Variants in PEBP4 observed in about 807,000 individuals in gnomAD.
The protein encoded by PEBP4 is phosphatidylethanolamine binding protein 4.
A neutral mutation model predicts 23.9 loss-of-function variants in PEBP4; 22 were observed. That is an observed-to-expected ratio of 0.92 (90% CI 0.66 to 1.31). The LOEUF (loss-of-function observed/expected upper bound fraction) is 1.31, where lower values mean the gene tolerates loss of function less well. Among genes scored for constraint, PEBP4 ranks in the 40% most tolerant of loss-of-function variants. PEBP4 has a pLI of 0.00. For synonymous variants in PEBP4, 112 were observed against 99.3 expected (o/e 1.13, Z -0.76); for missense variants, 324 against 281.7 (o/e 1.15, Z -1.07).
rs113452904 is a variant in PEBP4 at position 22,891,773 on chromosome 8, G to A, written c.258+28411C>T. Among the ~76,000 whole-genome samples the A allele has an allele frequency of 5.6e-3, 853 of 152,240 alleles. 6 individuals carry two copies. Among genetic ancestry groups the A allele is most frequent in the African/African-American group, 0.019 (796 of 41,564 alleles). On this transcript the variant is annotated intron_variant, in intron 3 of 6. Coordinates refer to ENST00000256404, the MANE Select transcript of PEBP4 (RefSeq NM_144962.3). ...ACCATGGACCACAGCCTCCTTCTCA[G>A]CTTAAGAAGCCAGGGAAGGGCCGGG...
intron 3 of PEBP4, among the ~76,000 whole-genome samples, chr8:22,856,380 T>C (rs928833478): frequency 6.6e-6 from 1 of 152,100 alleles, no homozygotes; most frequent in Non-Finnish European, 1.5e-5. Context: ...ATAATAGAAA[T>C]TGGGTTAACT....
intron 3 of PEBP4, among the ~76,000 whole-genome samples, chr8:22,876,189 G>A (rs1808118327): frequency 6.6e-6 from 1 of 152,126 alleles, no homozygotes; most frequent in Non-Finnish European, 1.5e-5. Context: ...GGGATTACAG[G>A]TGTGAGCCAC....
At chr8:22,907,069 G>A (rs1217575417) in intron 3 of PEBP4, among the ~76,000 whole-genome samples, 1 of 152,082 alleles carries the variant, frequency 6.6e-6, no homozygotes, top group African/African-American at 2.4e-5. Flanking sequence ...TGAAGGAGAA[G>A]AAGACATGAG....
chr8:22,762,116 C>T (rs139565181), intron 4 of PEBP4, among the ~76,000 whole-genome samples: 2,533 of 150,502 alleles, frequency 0.017, 35 homozygotes, highest in South Asian at 0.086. Context: ...CAATTTAAAT[C>T]GGCAAAAAAA....
chr8:22,720,883 A>G (rs1804503501), intron 6 of PEBP4, among the ~76,000 whole-genome samples: 1 of 152,240 alleles, frequency 6.6e-6, no homozygotes, highest in African/African-American at 2.4e-5. Flanking sequence ...GACTTCTTAC[A>G]GCACCCAAAA....
At chr8:22,759,513 G>T (rs1185279827) in intron 4 of PEBP4, among the ~76,000 whole-genome samples, 1 of 152,240 alleles carries the variant, frequency 6.6e-6, no homozygotes, top group East Asian at 1.9e-4. Context: ...ACCATGAGGG[G>T]TAGAGGTGCC....
intron 3 of PEBP4, among the ~76,000 whole-genome samples, chr8:22,904,177 G>T (rs55951654): frequency 0.14 from 21,577 of 152,132 alleles, 1,785 homozygotes; most frequent in Middle Eastern, 0.21. Context: ...GCTGCTTCCC[G>T]GCTCCCTGGC....
rs556809306 is a variant in PEBP4, at chr8:22,743,070, C to T, written c.358-15850G>A. Among the ~76,000 whole-genome samples, 5 of 152,316 alleles carry T rather than the reference C, an allele frequency of 3.3e-5. No individual in the cohort carries two copies. In the South Asian group the frequency reaches 1.0e-3, roughly 32 times the overall value. ...AGGGCTGTGTGCTGGGGAGCCAATG[C>T]TCTCTTATGCCAGACTCCAGTGCCC... On this transcript the variant is annotated intron_variant, in intron 4 of 6. Transcript: ENST00000256404.
At chr8:22,791,765 C>T (rs938232777) in intron 4 of PEBP4, among the ~76,000 whole-genome samples, 4 of 152,216 alleles carry the variant, frequency 2.6e-5, no homozygotes, top group Admixed American at 1.3e-4. Flanking sequence ...TAAGCACTTA[C>T]TCTTCATTAA....
chr8:22,716,225 AC>A (rs1051385626), intron 6 of PEBP4, among the ~76,000 whole-genome samples: 2 of 152,188 alleles, frequency 1.3e-5, no homozygotes, highest in African/African-American at 2.4e-5. Flanking sequence ...CATATGATGT[AC>A]AGGTTGATCC....
chr8:22,913,832 T>C lies in PEBP4; in HGVS notation c.258+6352A>G, dbSNP rs967673617. ...CCAGAATTTACTTATTTATTTAGAG[T>C]TGGGGTCTTGCTCTGTTGCCCAGGC... On this transcript the variant is annotated intron_variant, in intron 3 of 6. Coordinates refer to ENST00000256404, the MANE Select transcript of PEBP4 (RefSeq NM_144962.3). Among the ~76,000 whole-genome samples the C allele has an allele frequency of 2.0e-5, 3 of 152,160 alleles. No homozygotes were observed. In the South Asian group the frequency reaches 6.2e-4, roughly 32 times the overall value.
At chr8:22,924,561 G>A in intron 2 of PEBP4, 1 of 665,070 alleles carries the variant, frequency 1.5e-6, no homozygotes, top group South Asian at 6.7e-5. Flanking sequence ...CACTACAACA[G>A]GTAGGGTTGG....
At chr8:22,806,774 T>A (rs1406742873) in intron 4 of PEBP4, among the ~76,000 whole-genome samples, 1 of 152,158 alleles carries the variant, frequency 6.6e-6, no homozygotes, top group Non-Finnish European at 1.5e-5. Flanking sequence ...ACCACAACAG[T>A]CATTGAAGCA....
intron 3 of PEBP4, among the ~76,000 whole-genome samples, chr8:22,896,576 G>A (rs1056014964): frequency 1.1e-4 from 16 of 152,106 alleles, no homozygotes; most frequent in African/African-American, 2.7e-4. Context: ...GGAGAACCAC[G>A]TTACCTATTT....
At chr8:22,763,000 T>C (rs1191600176) in intron 4 of PEBP4, among the ~76,000 whole-genome samples, 1 of 151,958 alleles carries the variant, frequency 6.6e-6, no homozygotes, top group Non-Finnish European at 1.5e-5. Context: ...TTCTGAGGGC[T>C]GAAAGAAGTC....
intron 3 of PEBP4, among the ~76,000 whole-genome samples, chr8:22,828,868 C>G (rs1019816364): frequency 6.6e-6 from 1 of 152,128 alleles, no homozygotes; most frequent in African/African-American, 2.4e-5. Context: ...CCCTCTCTAT[C>G]TCAACCATCG....
intron 6 of PEBP4, among the ~76,000 whole-genome samples, chr8:22,715,374 C>A (rs1804393695): frequency 6.6e-6 from 1 of 152,216 alleles, no homozygotes; most frequent in Non-Finnish European, 1.5e-5. Context: ...GGTATTATGA[C>A]CCTGGGAACG....
intron 4 of PEBP4, among the ~76,000 whole-genome samples, chr8:22,778,092 G>A (rs945118838): frequency 6.6e-6 from 1 of 152,138 alleles, no homozygotes; most frequent in Non-Finnish European, 1.5e-5. Context: ...AGTTGCCCCT[G>A]GAATTTGGGG....
At chr8:22,897,304 T>C (rs182554548) in intron 3 of PEBP4, among the ~76,000 whole-genome samples, 1 of 152,228 alleles carries the variant, frequency 6.6e-6, no homozygotes, top group African/African-American at 2.4e-5. Flanking sequence ...TGCAACGGGA[T>C]GTGATGCGTT....
Sources: gnomAD v4.1 joint callset for allele counts (sites outside exome capture counted in the v4.1 genomes callset) on GRCh38, gnomAD v4.1.1 for gene constraint, MANE v1.5 for transcripts, NCBI Gene and HGNC (gene_info 2026-07-23, HGNC 2026-07-21) for gene names.